The following AFF4 variants were observed in gnomAD, a reference collection of about 807,000 sequenced individuals.
AFF4 encodes the protein AF4/FMR2 family member 4.
A neutral mutation model predicts 124.8 loss-of-function variants in AFF4; 13 were observed. That is an observed-to-expected ratio of 0.10 (90% confidence interval 0.07 to 0.17). AFF4 has a LOEUF of 0.17. Among genes scored for constraint, AFF4 ranks in the 10% least tolerant of loss-of-function variants. AFF4 has a pLI of 1.00. For synonymous variants in AFF4, 477 were observed against 496.1 expected (o/e 0.96, Z 0.51); for missense variants, 1,092 against 1,403.8 (o/e 0.78, Z 3.55).
In AFF4 at chr5:132,877,393, A is replaced by C. The variant is rs1285713139; in HGVS notation, c.*3666T>G. On this transcript the variant is annotated 3_prime_UTR_variant, in exon 21 of 21. Coordinates refer to ENST00000265343, the MANE Select transcript of AFF4 (RefSeq NM_014423.4). ...TAAAGGAATACACATTGCACCCTTG[A>C]ACATTAATATTCAAGGTGTCAACAA... is the stretch of plus-strand genomic sequence containing the variant. 4.6e-6 allele frequency: 1 copy of C among 217,452 alleles called. No homozygotes were observed. Among genetic ancestry groups the C allele is most frequent in the East Asian group, 6.9e-5 (1 of 14,512 alleles). 13.5% of individuals were successfully genotyped at this position (217,452 alleles called of 1,614,324 possible).
Position 132,893,054 on chromosome 5 carries a change from C to A in AFF4, c.2372G>T (p.Gly791Val). Residue 791 changes from glycine (G) to valine (V), a missense_variant, in exon 12 of 21, where the codon GGC becomes GTC. By Grantham distance (109) the Gly-to-Val change is moderately radical (BLOSUM62 -3). Coordinates refer to ENST00000265343, the MANE Select transcript of AFF4 (RefSeq NM_014423.4). ...CTCTCTGTTGCTGGATGGCTTATGG[C>A]CTGCTGAATTCTTGTCCTCCGTTTT... ...KPKTEDKNSA[G>V]HKPSSNRESS... 1.9e-6 allele frequency: 3 copies of A among 1,614,044 alleles called. No individual in the cohort carries two copies. The highest frequency in any genetic ancestry group is 1.1e-5 in the South Asian group (1 of 91,072).
chr5:132,901,170 T>C, intron 7 of AFF4: 2 of 985,278 alleles, frequency 2.0e-6, no homozygotes, highest in South Asian at 4.7e-5. Context: ...CTCTCGGCCT[T>C]TATGATTTAA....
intron 1 of AFF4, among the ~76,000 whole-genome samples, chr5:132,939,074 G>C (rs1294185420): frequency 2.7e-5 from 4 of 148,188 alleles, no homozygotes; most frequent in Non-Finnish European, 4.4e-5. Flanking sequence ...ATAAAATTTA[G>C]CCAGGTGTGG....
At chr5:132,899,706 A>G in intron 7 of AFF4, 65 bp from the exon 8 acceptor site, 1 of 1,392,698 alleles carries the variant, frequency 7.2e-7, no homozygotes, top group East Asian at 2.3e-5. Flanking sequence ...AGAGTACTAA[A>G]TATCTACTAA....
chr5:132,910,153 T>C (rs756149968), intron 5 of AFF4, among the ~76,000 whole-genome samples: 6 of 152,208 alleles, frequency 3.9e-5, no homozygotes, highest in Non-Finnish European at 8.8e-5. Flanking sequence ...AAATAGCAAA[T>C]ATGAATCAAT....
intron 1 of AFF4, among the ~76,000 whole-genome samples, chr5:132,962,351 A>C (rs1276990052): frequency 6.6e-6 from 1 of 152,212 alleles, no homozygotes; most frequent in East Asian, 1.9e-4. Context: ...GACTGGCCTT[A>C]GTATAAAATT....
At chr5:132,931,171 T>G (rs1241972126) in intron 4 of AFF4, among the ~76,000 whole-genome samples, 2 of 151,012 alleles carry the variant, frequency 1.3e-5, no homozygotes, top group Non-Finnish European at 2.9e-5. Context: ...TCCCAGCACT[T>G]TGGGAGGCCG....
At chr5:132,905,300 T>A (rs1227696034) in intron 5 of AFF4, among the ~76,000 whole-genome samples, 3 of 152,214 alleles carry the variant, frequency 2.0e-5, no homozygotes, top group Non-Finnish European at 4.4e-5. Flanking sequence ...TCAATTTTCA[T>A]GACCAGAACA....
intron 1 of AFF4, among the ~76,000 whole-genome samples, chr5:132,958,863 CT>C (rs1762018521): frequency 6.6e-6 from 1 of 152,152 alleles, no homozygotes; most frequent in South Asian, 2.1e-4. Flanking sequence ...GAACAGATCT[CT>C]GGGTAATCAA....
At chr5:132,927,989 A>G (rs1761216868) in intron 4 of AFF4, among the ~76,000 whole-genome samples, 1 of 152,202 alleles carries the variant, frequency 6.6e-6, no homozygotes, top group Admixed American at 6.5e-5. Context: ...GAATAAGGAG[A>G]GAGTATATTA....
rs550825236 is a variant in AFF4, at chr5:132,920,213, C to T, written c.1050+6908G>A. ...TACAGATGCCCGCCACCATGTCTGG[C>T]TAATTTTTATATTTTTAGTGGAGTC... On this transcript the variant is annotated intron_variant, in intron 5 of 20. Transcript: ENST00000265343. Among the ~76,000 whole-genome samples the T allele has an allele frequency of 6.0e-4, 91 of 152,034 alleles. 1 individual carries two copies. Among genetic ancestry groups the T allele is most frequent in the African/African-American group, 2.1e-3 (88 of 41,478 alleles).
chr5:132,899,431 G>T (rs1041300822), intron 8 of AFF4, among the ~76,000 whole-genome samples, 156 bp downstream of exon 8: 5 of 152,110 alleles, frequency 3.3e-5, no homozygotes, highest in Non-Finnish European at 7.4e-5. Flanking sequence ...AAAAAATGGA[G>T]ATTTAAAAAC....
intron 5 of AFF4, among the ~76,000 whole-genome samples, chr5:132,912,071 G>C (rs1760802884): frequency 6.6e-6 from 1 of 151,436 alleles, no homozygotes; most frequent in Non-Finnish European, 1.5e-5. Flanking sequence ...TAGTAAAATG[G>C]GCCAGGTGCG....
chr5:132,945,992 G>A (rs563209901), intron 1 of AFF4, among the ~76,000 whole-genome samples: 4 of 151,918 alleles, frequency 2.6e-5, no homozygotes, highest in South Asian at 2.1e-4. Context: ...CCCGGGACGC[G>A]GAGGTTGTGG....
At chr5:132,927,863 C>T (rs1229315919) in intron 4 of AFF4, among the ~76,000 whole-genome samples, 1 of 151,976 alleles carries the variant, frequency 6.6e-6, no homozygotes, top group Non-Finnish European at 1.5e-5. Context: ...AAAGCAAGAC[C>T]CTAAGTTTGA....
At chr5:132,915,037 TA>T (rs915281872) in intron 5 of AFF4, among the ~76,000 whole-genome samples, 2 of 150,794 alleles carry the variant, frequency 1.3e-5, no homozygotes, top group South Asian at 2.1e-4. Flanking sequence ...AACAAACACT[TA>T]AAAAAAAATA....
At chr5:132,931,540 A>T (rs1761300531) in intron 4 of AFF4, among the ~76,000 whole-genome samples, 2 of 152,266 alleles carry the variant, frequency 1.3e-5, no homozygotes, top group African/African-American at 4.8e-5. Flanking sequence ...TTGACTGATA[A>T]CTACTGAGTT....
chr5:132,925,178 AAAAT>A lies in AFF4; in HGVS notation c.1050+1939_1050+1942del, dbSNP rs59847844. 6.2e-4 allele frequency among the ~76,000 whole-genome samples: 94 copies of A among 150,994 alleles called. No homozygotes were observed. The South Asian group carries it at 6.4e-3, about 10-fold the overall frequency. ...TGACAAAGGGAGACTCCATCTCAGA[AAAAT>A]AAATAAATAAATAAATAAATAAATA... On this transcript the variant is annotated intron_variant, in intron 5 of 20. Transcript: ENST00000265343.
At chr5:132,917,717 T>C (rs1297160064) in intron 5 of AFF4, among the ~76,000 whole-genome samples, 1 of 137,564 alleles carries the variant, frequency 7.3e-6, no homozygotes, top group African/African-American at 2.7e-5. Context: ...TTTTTTTTTT[T>C]TTTTTTTTTT....
Sources: gnomAD v4.1 joint callset for allele counts (sites outside exome capture counted in the v4.1 genomes callset) on GRCh38, gnomAD v4.1.1 for gene constraint, MANE v1.5 for transcripts, NCBI Gene and HGNC (gene_info 2026-07-23, HGNC 2026-07-21) for gene names.